Variants in NLRP2 observed in about 807,000 individuals in gnomAD.
The protein encoded by NLRP2 is NACHT, LRR and PYD domains-containing protein 2.
Under a neutral mutation model 97.2 loss-of-function variants are expected in NLRP2, and 107 were observed. The ratio of observed to expected loss-of-function variants is 1.10; its 90% CI spans 0.94 to 1.29. NLRP2 has a LOEUF of 1.29. Among genes scored for constraint, NLRP2 ranks in the 50% most tolerant of loss-of-function variants. NLRP2 has a pLI of 0.00. For missense variants in NLRP2, 1,495 were observed against 1,330.3 expected (o/e 1.12, Z -1.93); for synonymous variants, 663 against 551.5 (o/e 1.20, Z -2.83).
intron 11 of NLRP2, among the ~76,000 whole-genome samples, chr19:54,996,722 G>A (rs111269218): frequency 0.011 from 1,645 of 150,116 alleles, 13 homozygotes; most frequent in South Asian, 0.024. Flanking sequence ...GTATCTTCAG[G>A]GCCTCTGCAC....
chr19:54,980,484 G>T (rs112543731), intron 4 of NLRP2, among the ~76,000 whole-genome samples: 2 of 152,174 alleles, frequency 1.3e-5, no homozygotes, highest in African/African-American at 4.8e-5. Context: ...GTGAGCCACC[G>T]CGCCCAGCCG....
chr19:54,985,772 G>A (rs1251858657), intron 7 of NLRP2, among the ~76,000 whole-genome samples: 1 of 152,046 alleles, frequency 6.6e-6, no homozygotes, highest in Non-Finnish European at 1.5e-5. Context: ...AAGGTGGGGG[G>A]ATCACTTGAG....
chr19:54,986,731 A>G (rs1341863980), intron 8 of NLRP2, among the ~76,000 whole-genome samples: 1 of 151,938 alleles, frequency 6.6e-6, no homozygotes, highest in Non-Finnish European at 1.5e-5. Context: ...TTGTGCATTT[A>G]GTGGAGCTGG....
chr19:54,983,078 G>A lies in NLRP2; in HGVS notation c.1380G>A (p.Ala460=), dbSNP rs747647043. 1.3e-5 allele frequency: 21 copies of A among 1,612,652 alleles called. No individual in the cohort carries two copies. Among genetic ancestry groups the A allele is most frequent in the South Asian group, 4.4e-5 (4 of 91,032 alleles). The change falls in exon 6 of 13, where the codon GCG becomes GCA. Residue 460 remains alanine (A), a synonymous_variant. Coordinates refer to ENST00000448584, the MANE Select transcript of NLRP2 (RefSeq NM_017852.5). ...LSLLAAQGLW[A]QTSVLHREDL... Reference sequence around the variant, plus strand: ...TCCTGGCCGCGCAGGGCCTGTGGGCGCAGACGTCCGTGCTTCACCGAGAGG... The same window carrying A: ...TCCTGGCCGCGCAGGGCCTGTGGGCACAGACGTCCGTGCTTCACCGAGAGG...
At position 55,000,286 on chromosome 19, in the gene NLRP2, T is replaced by TA. The variant is rs1397482568; in HGVS notation, c.3051-474_3051-473insA. On this transcript the variant is annotated intron_variant, in intron 12 of 12. Transcript: ENST00000448584. ...AGAGACTGTCTTTTTTTTTTTTTTTTTTTTTTTTTTTTTTTTTTTTTTTGA... is the reference window on the plus strand; with the variant it reads ...AGAGACTGTCTTTTTTTTTTTTTTTTATTTTTTTTTTTTTTTTTTTTTTTGA... Among the ~76,000 whole-genome samples, 7 of 84,814 alleles carry TA rather than the reference T, an allele frequency of 8.3e-5. No homozygotes were observed. The East Asian group carries it at 1.4e-3, about 18-fold the overall frequency. The allele number at this position is 84,814 out of a possible 152,430, so 55.6% of individuals were successfully genotyped here.
At position 54,982,520 on chromosome 19, in the gene NLRP2, A is replaced by G. The variant is rs2071653642; in HGVS notation, c.822A>G (p.Pro274=). ...RDWPELQDDI[P]HILAQARKIL... ...GGCCTGAATTGCAGGATGACATTCC[A>G]CACATCCTAGCCCAAGCACGGAAAA... Residue 274 remains proline, a synonymous_variant, in exon 6 of 13, where the codon CCA becomes CCG. Coordinates refer to ENST00000448584, the MANE Select transcript of NLRP2 (RefSeq NM_017852.5). 1 of 1,614,130 alleles carries G rather than the reference A, an allele frequency of 6.2e-7. No homozygotes were observed. The highest frequency in any genetic ancestry group is 2.2e-5 in the East Asian group (1 of 44,882).
chr19:54,974,773 A>G (rs1284250962), intron 3 of NLRP2, among the ~76,000 whole-genome samples: 1 of 152,128 alleles, frequency 6.6e-6, no homozygotes, highest in African/African-American at 2.4e-5. Context: ...GGGGAAGGGT[A>G]AGCTTGGCCT....
chr19:54,997,292 CG>C (rs766432745), intron 11 of NLRP2, 24 bp from the exon 12 acceptor site: 1 of 1,611,412 alleles, frequency 6.2e-7, no homozygotes, highest in Non-Finnish European at 8.5e-7. Context: ...GCTGCATTAA[CG>C]TGTTGATTTC....
chr19:54,986,379 C>T (rs2072089474), intron 8 of NLRP2, 64 bp downstream of exon 8: 2 of 1,474,590 alleles, frequency 1.4e-6, no homozygotes, highest in African/African-American at 1.4e-5. Context: ...GCTTATGTGG[C>T]AATTTTGTGT....
rs868781964 is a variant in NLRP2 at position 54,966,422 on chromosome 19, C to T, written c.-63C>T. The T allele has an allele frequency of 4.6e-5, 7 of 152,148 alleles. No individual in the cohort carries two copies. The allele number at this position is 152,148 out of a possible 1,614,324, so 9.4% of individuals were successfully genotyped here. ...AGAAGCCTTATTAGAGCTTTCTCAA[C>T]CTGCAGCCCTCATCTCCGCCGGCGA... On this transcript the variant is annotated 5_prime_UTR_variant, in exon 1 of 13. Transcript: ENST00000448584.
chr19:54,984,790 T>G (rs1380138947), intron 6 of NLRP2, among the ~76,000 whole-genome samples: 2 of 151,962 alleles, frequency 1.3e-5, no homozygotes, highest in African/African-American at 4.8e-5. Flanking sequence ...GTCTATATTC[T>G]CTATCTTTTA....
intron 12 of NLRP2, among the ~76,000 whole-genome samples, chr19:54,998,631 C>CTTTTTTTTTTTTT (rs1179005483): frequency 1.7e-3 from 103 of 61,130 alleles, no homozygotes; most frequent in Non-Finnish European, 1.9e-3. Flanking sequence ...TTTTTTTTTC[C>CTTTTTTTTTTTTT]TTTTTTTTTT....
intron 10 of NLRP2, chr19:54,991,407 G>C (rs952804045): frequency 1.3e-5 from 2 of 152,230 alleles, no homozygotes; most frequent in Non-Finnish European, 2.9e-5. Context: ...ACAAAAATTA[G>C]TCACGCATGG....
At position 54,985,029 on chromosome 19, in the gene NLRP2, TTCTTC is replaced by T; in HGVS notation, c.2031-12_2031-8del. On this transcript the variant is annotated splice_polypyrimidine_tract_variant and intron_variant, in intron 6 of 12. Coordinates refer to ENST00000448584, the MANE Select transcript of NLRP2 (RefSeq NM_017852.5). ...ATGGACACACATTTGGTGTAACCCT[TTCTTC>T]TCTTCCCTATAGATCCCAGGATGAT... is the stretch of plus-strand genomic sequence containing the variant. 6.2e-7 allele frequency: 1 copy of T among 1,613,574 alleles called. No homozygotes were observed. The highest frequency in any genetic ancestry group is 8.5e-7 in the Non-Finnish European group (1 of 1,179,800).
In NLRP2 at chr19:54,982,358, C is replaced by T; in HGVS notation, c.660C>T (p.Thr220=). 3.7e-6 allele frequency: 6 copies of T among 1,614,076 alleles called. No homozygotes were observed. The highest frequency in any genetic ancestry group is 5.1e-6 in the Non-Finnish European group (6 of 1,180,018). The part of the protein sequence containing the change: ...VLYGPAGLGK[T]TLAQKLMLDW... ...ATGGTCCTGCAGGCCTTGGGAAAAC[C>T]ACGCTGGCCCAGAAACTAATGCTAG... Residue 220 remains threonine, a synonymous_variant, in exon 6 of 13, where the codon ACC becomes ACT. Coordinates refer to ENST00000448584, the MANE Select transcript of NLRP2 (RefSeq NM_017852.5).
intron 2 of NLRP2, among the ~76,000 whole-genome samples, chr19:54,970,836 T>C (rs1351511523): frequency 2.0e-5 from 3 of 147,960 alleles, no homozygotes; most frequent in Admixed American, 6.8e-5. Flanking sequence ...TTTTTTTTAT[T>C]ATACTTTAAG....
Position 54,994,329 on chromosome 19 carries a change from AAAATC to A in NLRP2, c.2772_2776del (p.Ser925ProfsTer14). The A allele has an allele frequency of 1.2e-6, 2 of 1,614,178 alleles. No individual in the cohort carries two copies. Among genetic ancestry groups the A allele is most frequent in the Non-Finnish European group, 8.5e-7 (1 of 1,180,024 alleles). ...GCGATCTCACAAAGCTTCTCCAAGA[AAAATC>A]AAGCCTGTTGTGTTTGGATCTGGGG... is the stretch of plus-strand genomic sequence containing the variant. On this transcript the variant is annotated frameshift_variant, in exon 11 of 13. Transcript: ENST00000448584. LOFTEE classifies it high-confidence loss of function.
Position 54,982,665 on chromosome 19 carries a change from A to G in NLRP2, c.967A>G (p.Asn323Asp). The G allele has an allele frequency of 6.2e-7, 1 of 1,614,146 alleles. No individual in the cohort carries two copies. The highest frequency in any genetic ancestry group is 8.5e-7 in the Non-Finnish European group (1 of 1,180,018). Residue 323 changes from asparagine to aspartate, a missense_variant, in exon 6 of 13, where the codon AAC (asparagine) becomes GAC (aspartate). By Grantham distance (23) the Asn-to-Asp change is conservative (BLOSUM62 1). Transcript: ENST00000448584. ...GCCCGTCCTCCTGGGGAGTTTGCTG[A>G]ACAGGGTGATGTTACCCAAGGCCGC... is the stretch of plus-strand genomic sequence containing the variant. ...PVPVLLGSLL[N>D]RVMLPKAALL... is the part of the protein sequence containing the mutation.
At chr19:54,973,892 GGC>G in intron 2 of NLRP2, 1 of 679,722 alleles carries the variant, frequency 1.5e-6, no homozygotes. Context: ...AGTGACACAA[GGC>G]AAGGATTCTT....
Sources: gnomAD v4.1 joint callset for allele counts (sites outside exome capture counted in the v4.1 genomes callset) on GRCh38, gnomAD v4.1.1 for gene constraint, MANE v1.5 for transcripts, NCBI Gene and HGNC (gene_info 2026-07-23, HGNC 2026-07-21) for gene names.